Variants in GRM1 observed in about 807,000 individuals in gnomAD.
GRM1 encodes the protein glutamate metabotropic receptor 1, also known as metabotropic glutamate receptor 1.
A neutral mutation model predicts 90.9 loss-of-function variants in GRM1; 33 were observed. That is an observed-to-expected ratio of 0.36 (90% CI 0.28 to 0.49). The LOEUF (loss-of-function observed/expected upper bound fraction) is 0.49, where lower values mean the gene tolerates loss of function less well. Ranked by LOEUF, GRM1 falls within the 20% of genes least tolerant of loss-of-function variation. The pLI, the probability that GRM1 is intolerant of heterozygous loss-of-function variation, is 0.99. For synonymous variants in GRM1, 700 were observed against 613.2 expected (o/e 1.14, Z -2.09); for missense variants, 1,190 against 1,534.3 (o/e 0.78, Z 3.75).
intron 7 of GRM1, among the ~76,000 whole-genome samples, chr6:146,405,263 A>T (rs1777305022): frequency 6.6e-6 from 1 of 152,186 alleles, no homozygotes; most frequent in Admixed American, 6.6e-5. Flanking sequence ...TTGTCAAAAT[A>T]TTTAAAGTGC....
At chr6:146,307,535 T>C (rs1033222199) in intron 3 of GRM1, among the ~76,000 whole-genome samples, 4 of 152,206 alleles carry the variant, frequency 2.6e-5, no homozygotes, top group African/African-American at 9.6e-5. Flanking sequence ...TCAATGTTAT[T>C]GAAGAACAAT....
chr6:146,078,988 G>A (rs1457123931), intron 1 of GRM1, among the ~76,000 whole-genome samples: 1 of 152,134 alleles, frequency 6.6e-6, no homozygotes, highest in Non-Finnish European at 1.5e-5. Context: ...CAAAGTGGGA[G>A]GGGTTCCTGT....
chr6:146,088,112 A>T lies in GRM1; in HGVS notation c.700+57895A>T, dbSNP rs80056064. Among the ~76,000 whole-genome samples, 280 of 152,168 alleles carry T rather than the reference A, an allele frequency of 1.8e-3. 5 individuals are homozygous for T. In the East Asian group the frequency reaches 0.027, roughly 14 times the overall value. Reference sequence around the variant, plus strand: ...TCCTACCAGCATTGGTTCTGTCACTATTTTTTATTTTAACTATTCTGATAT... The same window carrying T: ...TCCTACCAGCATTGGTTCTGTCACTTTTTTTTATTTTAACTATTCTGATAT... On this transcript the variant is annotated intron_variant, in intron 1 of 7. Transcript: ENST00000282753.
chr6:146,255,571 G>A (rs1033022136), intron 2 of GRM1, among the ~76,000 whole-genome samples: 1 of 152,050 alleles, frequency 6.6e-6, no homozygotes, highest in Non-Finnish European at 1.5e-5. Flanking sequence ...ATTTTAAGGT[G>A]TATCATTTCT....
At chr6:146,057,557 A>T (rs140253980) in intron 1 of GRM1, among the ~76,000 whole-genome samples, 7 of 152,292 alleles carry the variant, frequency 4.6e-5, no homozygotes, top group African/African-American at 1.7e-4. Flanking sequence ...AGCACTGTAT[A>T]TCAGCGAGAT....
intron 2 of GRM1, among the ~76,000 whole-genome samples, chr6:146,288,717 G>T (rs564967751): frequency 6.6e-6 from 1 of 152,160 alleles, no homozygotes; most frequent in South Asian, 2.1e-4. Context: ...TATCGGCCAG[G>T]GTGGTCTCCA....
chr6:146,176,179 C>A (rs1333676211), intron 2 of GRM1, among the ~76,000 whole-genome samples: 1 of 151,916 alleles, frequency 6.6e-6, no homozygotes, highest in Non-Finnish European at 1.5e-5. Context: ...AATGAATTCT[C>A]AGTAAATGTT....
intron 2 of GRM1, among the ~76,000 whole-genome samples, chr6:146,258,824 C>T (rs1260732392): frequency 6.6e-6 from 1 of 152,118 alleles, no homozygotes; most frequent in Admixed American, 6.6e-5. Flanking sequence ...TAGAAGTTGA[C>T]CTTAATACAT....
At chr6:146,414,916 G>A (rs1777718554) in intron 7 of GRM1, among the ~76,000 whole-genome samples, 1 of 152,124 alleles carries the variant, frequency 6.6e-6, no homozygotes, top group South Asian at 2.1e-4. Flanking sequence ...AGATCATAGA[G>A]ATATTCTCCT....
chr6:146,263,903 G>T (rs149144985), intron 2 of GRM1, among the ~76,000 whole-genome samples: 1 of 152,070 alleles, frequency 6.6e-6, no homozygotes, highest in Non-Finnish European at 1.5e-5. Context: ...GAGAGAATGC[G>T]TGCTAGTCTT....
At chr6:146,199,906 A>G (rs1460908105) in intron 2 of GRM1, among the ~76,000 whole-genome samples, 1 of 152,122 alleles carries the variant, frequency 6.6e-6, no homozygotes, top group African/African-American at 2.4e-5. Context: ...AATCCCAGCT[A>G]CTCAGGAGGC....
At chr6:146,267,431 G>T (rs1281008399) in intron 2 of GRM1, among the ~76,000 whole-genome samples, 2 of 152,176 alleles carry the variant, frequency 1.3e-5, no homozygotes, top group East Asian at 3.9e-4. Context: ...CTCTTAGAGG[G>T]TCAGAACCAA....
chr6:146,189,644 G>A (rs1778868066), intron 2 of GRM1, among the ~76,000 whole-genome samples: 2 of 152,054 alleles, frequency 1.3e-5, no homozygotes, highest in Admixed American at 6.6e-5. Context: ...GTGAAGATAG[G>A]CACTTGATTG....
intron 2 of GRM1, among the ~76,000 whole-genome samples, chr6:146,265,839 G>A (rs533604818): frequency 1.3e-5 from 2 of 152,008 alleles, no homozygotes; most frequent in African/African-American, 4.8e-5. Context: ...TTTACTTATG[G>A]GTTGTCTATT....
chr6:146,241,486 T>C (rs1025702310), intron 2 of GRM1, among the ~76,000 whole-genome samples: 1 of 152,158 alleles, frequency 6.6e-6, no homozygotes, highest in African/African-American at 2.4e-5. Flanking sequence ...TATTTAATGA[T>C]ACATGTATTT....
Position 146,398,768 on chromosome 6 carries a change from G to GA in GRM1, c.1730-1_1730insA (p.Gly577GlufsTer3). The GA allele has an allele frequency of 1.2e-6, 2 of 1,605,158 alleles. No individual in the cohort carries two copies. The highest frequency in any genetic ancestry group is 1.7e-6 in the Non-Finnish European group (2 of 1,171,862). ...TGCTCAAATGATTTTTCTCATCACA[G>GA]GCTGTGAGCCCATTCCTGTGCGCTA... On this transcript the variant is annotated frameshift_variant and splice_region_variant. Coordinates refer to ENST00000282753, the MANE Select transcript of GRM1 (RefSeq NM_001278064.2). LOFTEE classifies it high-confidence loss of function.
chr6:146,127,393 G>A (rs1344204603), intron 1 of GRM1, among the ~76,000 whole-genome samples: 2 of 152,120 alleles, frequency 1.3e-5, no homozygotes, highest in Non-Finnish European at 2.9e-5. Context: ...TAAGGGGGAA[G>A]ATCTGAAGCA....
chr6:146,258,254 G>T (rs6911491), intron 2 of GRM1, among the ~76,000 whole-genome samples: 17,288 of 151,986 alleles, frequency 0.11, 1,948 homozygotes, highest in African/African-American at 0.29. Flanking sequence ...AATGCTTTGG[G>T]GTGCACGTTT....
intron 5 of GRM1, among the ~76,000 whole-genome samples, chr6:146,383,559 A>G (rs987764092): frequency 6.6e-6 from 1 of 152,104 alleles, no homozygotes; most frequent in Non-Finnish European, 1.5e-5. Flanking sequence ...ATTTTTTCAG[A>G]AAAGACTTAA....
Sources: gnomAD v4.1 joint callset for allele counts (sites outside exome capture counted in the v4.1 genomes callset) on GRCh38, gnomAD v4.1.1 for gene constraint, MANE v1.5 for transcripts, NCBI Gene and HGNC (gene_info 2026-07-23, HGNC 2026-07-21) for gene names.